The following CEP128 variants were observed in gnomAD, a reference collection of about 807,000 sequenced individuals.
CEP128 encodes the protein centrosomal protein 128.
A neutral mutation model predicts 156.7 loss-of-function variants in CEP128; 132 were observed. That is an observed-to-expected ratio of 0.84 (90% CI 0.73 to 0.97). The LOEUF (loss-of-function observed/expected upper bound fraction) is 0.97, where lower values mean the gene tolerates loss of function less well. Among genes scored for constraint, CEP128 ranks in the 50% least tolerant of loss-of-function variants. The pLI is 0.00. For missense variants in CEP128, 1,252 were observed against 1,281.9 expected, an observed-to-expected ratio of 0.98 and a Z score of 0.36; for synonymous variants, 469 against 448.9, an observed-to-expected ratio of 1.04 and a Z score of -0.57.
intron 19 of CEP128, among the ~76,000 whole-genome samples, chr14:80,712,475 T>C (rs1420342815): frequency 6.6e-6 from 1 of 151,996 alleles, no homozygotes; most frequent in African/African-American, 2.4e-5. Context: ...CCCAGAGAGG[T>C]GTTCACACTG....
chr14:80,506,051 A>T (rs1887956567), intron 23 of CEP128, among the ~76,000 whole-genome samples: 1 of 152,254 alleles, frequency 6.6e-6, no homozygotes. Flanking sequence ...GATTCAGATA[A>T]GACCCCTCTG....
chr14:80,548,045 C>G (rs566711993), intron 21 of CEP128, among the ~76,000 whole-genome samples: 2 of 152,202 alleles, frequency 1.3e-5, no homozygotes, highest in South Asian at 4.2e-4. Context: ...GGTGATCCAC[C>G]CTCCTCGGCC....
At chr14:80,556,878 ATAAAG>A (rs1566778119) in intron 21 of CEP128, among the ~76,000 whole-genome samples, 2 of 152,192 alleles carry the variant, frequency 1.3e-5, no homozygotes, top group African/African-American at 4.8e-5. Context: ...TTTATGAACT[ATAAAG>A]TACTTTATCA....
chr14:80,906,035 C>T lies in CEP128; in HGVS notation c.281G>A (p.Arg94His), dbSNP rs755499047. ...EQSIDQLRSQ[R>H]LLRNSGGRSI... is the part of the protein sequence containing the mutation. ...TCTCCCTCCTGAGTTTCTCAATAAACGTTGACTCCGGAGTTGGTCGATTGA... is the reference window on the plus strand; with the variant it reads ...TCTCCCTCCTGAGTTTCTCAATAAATGTTGACTCCGGAGTTGGTCGATTGA... Residue 94 changes from arginine to histidine, a missense_variant, in exon 5 of 25, where the codon CGT (arginine) becomes CAT (histidine). Transcript: ENST00000555265. 2.7e-5 allele frequency: 44 copies of T among 1,612,142 alleles called. No individual in the cohort carries two copies. The highest frequency in any genetic ancestry group is 5.5e-5 in the South Asian group (5 of 90,826).
intron 19 of CEP128, among the ~76,000 whole-genome samples, chr14:80,664,625 AATTG>A (rs549252610): frequency 3.1e-4 from 47 of 152,304 alleles, no homozygotes; most frequent in Admixed American, 3.1e-3. Context: ...TGGAAGGATA[AATTG>A]ATTGTCCTGG....
intron 2 of CEP128, among the ~76,000 whole-genome samples, chr14:80,952,931 G>T (rs939328323): frequency 1.3e-5 from 2 of 152,094 alleles, no homozygotes; most frequent in Non-Finnish European, 2.9e-5. Context: ...GACACAAACT[G>T]CCCAGGCTAC....
At chr14:80,909,451 C>G (rs1359143223) in intron 4 of CEP128, among the ~76,000 whole-genome samples, 4 of 150,852 alleles carry the variant, frequency 2.7e-5, no homozygotes, top group Admixed American at 2.6e-4. Flanking sequence ...TGGGACATAA[C>G]AGAAGAACAT....
At chr14:80,792,502 C>A (rs906455477) in intron 14 of CEP128, among the ~76,000 whole-genome samples, 1 of 152,090 alleles carries the variant, frequency 6.6e-6, no homozygotes, top group Non-Finnish European at 1.5e-5. Context: ...GAAACTTACA[C>A]CTAAATTGGG....
chr14:80,723,068 C>T (rs574826484), intron 19 of CEP128, among the ~76,000 whole-genome samples: 10 of 151,994 alleles, frequency 6.6e-5, no homozygotes, highest in African/African-American at 1.4e-4. Context: ...CCTTGTGATC[C>T]GCCCGCCTCG....
chr14:80,844,304 A>T (rs1886490736), intron 9 of CEP128, among the ~76,000 whole-genome samples: 2 of 152,106 alleles, frequency 1.3e-5, no homozygotes, highest in Non-Finnish European at 2.9e-5. Context: ...TTTTTCAGCC[A>T]TGACCAAGGA....
intron 8 of CEP128, among the ~76,000 whole-genome samples, chr14:80,870,502 T>C (rs966730228): frequency 6.6e-6 from 1 of 152,052 alleles, no homozygotes; most frequent in Non-Finnish European, 1.5e-5. Context: ...TATGGTCTTC[T>C]CCATAGATGC....
chr14:80,681,742 T>C (rs1209771193), intron 19 of CEP128, among the ~76,000 whole-genome samples: 2 of 152,238 alleles, frequency 1.3e-5, no homozygotes. Context: ...TATCCAGCCA[T>C]GCTGAACTGT....
At chr14:80,740,494 C>CTAGATAGATAGATAGATGA (rs1257831747) in intron 19 of CEP128, among the ~76,000 whole-genome samples, 54 of 140,912 alleles carry the variant, frequency 3.8e-4, no homozygotes, top group African/African-American at 1.4e-3. Context: ...ATATTTATAT[C>CTAGATAGATAGATAGATGA]TAGATAGATA....
At chr14:80,626,506 G>A (rs541370539) in intron 19 of CEP128, among the ~76,000 whole-genome samples, 32 of 149,144 alleles carry the variant, frequency 2.1e-4, no homozygotes, top group African/African-American at 7.0e-4. Flanking sequence ...GAGTGAGACA[G>A]GGGAGACTTG....
At chr14:80,929,478 T>A (rs150120368) in intron 2 of CEP128, among the ~76,000 whole-genome samples, 5 of 152,274 alleles carry the variant, frequency 3.3e-5, no homozygotes, top group Non-Finnish European at 4.4e-5. Flanking sequence ...TAAGTGCCCA[T>A]CAACTGATGA....
downstream of CEP128, among the ~76,000 whole-genome samples, chr14:80,489,055 A>G (rs183630700): frequency 6.6e-6 from 1 of 151,968 alleles, no homozygotes; most frequent in African/African-American, 2.4e-5. Context: ...TAATGGGTGC[A>G]GCACACCAAC....
At chr14:80,673,577 C>T (rs1242084249) in intron 19 of CEP128, among the ~76,000 whole-genome samples, 37 of 117,916 alleles carry the variant, frequency 3.1e-4, no homozygotes, top group African/African-American at 1.2e-3. Context: ...ACCCGGGAGG[C>T]GGAGCTTGCA....
intron 19 of CEP128, among the ~76,000 whole-genome samples, chr14:80,585,667 AT>A (rs746527445): frequency 3.3e-5 from 5 of 152,182 alleles, no homozygotes; most frequent in Non-Finnish European, 7.3e-5. Context: ...TGAGTTACTG[AT>A]TGCAGTTTAG....
chr14:80,667,921 G>A (rs1895690462), intron 19 of CEP128, among the ~76,000 whole-genome samples: 1 of 151,128 alleles, frequency 6.6e-6, no homozygotes, highest in Admixed American at 6.6e-5. Context: ...ATGGTGCTAT[G>A]ACAAAGACTT....
Sources: gnomAD v4.1 joint callset for allele counts (sites outside exome capture counted in the v4.1 genomes callset) on GRCh38, gnomAD v4.1.1 for gene constraint, MANE v1.5 for transcripts, NCBI Gene and HGNC (gene_info 2026-07-23, HGNC 2026-07-21) for gene names.